CADM1: variants seen among roughly 807,000 people sequenced by gnomAD.
CADM1 encodes the protein TSLC-1.
A neutral mutation model predicts 53.1 loss-of-function variants in CADM1; 15 were observed. The observed-to-expected ratio is 0.28, with a 90% CI of 0.19 to 0.44. The LOEUF (loss-of-function observed/expected upper bound fraction) is 0.44, where lower values mean the gene tolerates loss of function less well. Ranked by LOEUF, CADM1 falls within the 20% of genes least tolerant of loss-of-function variation. CADM1 has a pLI of 1.00. For missense variants in CADM1, 434 were observed against 611.3 expected (o/e 0.71, Z 3.06); for synonymous variants, 281 against 243.0 (o/e 1.16, Z -1.45).
intron 1 of CADM1, among the ~76,000 whole-genome samples, chr11:115,305,276 T>C (rs1944334946): frequency 2.0e-5 from 3 of 152,150 alleles, no homozygotes; most frequent in Non-Finnish European, 2.9e-5. Context: ...TCTGGACTCC[T>C]GCCTACGGGC....
At chr11:115,186,912 GGCTCCTGGACGCCATGGCAGCTCCA>G (rs1390752271) in intron 10 of CADM1, among the ~76,000 whole-genome samples, 5 of 152,196 alleles carry the variant, frequency 3.3e-5, no homozygotes, top group African/African-American at 1.2e-4. Context: ...CAGGGGCCCT[GGCTCCTGGACGCCATGGCAGCTCCA>G]GCTCCTGTTG....
intron 1 of CADM1, among the ~76,000 whole-genome samples, chr11:115,327,518 G>GA (rs1944990340): frequency 8.2e-6 from 1 of 121,254 alleles, no homozygotes; most frequent in South Asian, 4.1e-4. Flanking sequence ...GAATACATAA[G>GA]AGTTTTTTTT....
chr11:115,331,402 G>T (rs1423712433), intron 1 of CADM1, among the ~76,000 whole-genome samples: 2 of 152,082 alleles, frequency 1.3e-5, no homozygotes, highest in South Asian at 4.2e-4. Context: ...CATTCTGAAA[G>T]CCCTGCAGGC....
At chr11:115,246,191 T>G (rs2134947174) in intron 1 of CADM1, among the ~76,000 whole-genome samples, 1 of 152,322 alleles carries the variant, frequency 6.6e-6, no homozygotes, top group South Asian at 2.1e-4. Flanking sequence ...CCTGCATGAA[T>G]ACTTTAGTAT....
intron 1 of CADM1, among the ~76,000 whole-genome samples, chr11:115,355,454 G>C (rs990734377): frequency 6.6e-6 from 1 of 152,070 alleles, no homozygotes; most frequent in Admixed American, 6.6e-5. Context: ...ACAGACACTG[G>C]GGCCTACTTG....
chr11:115,313,784 T>C (rs757545797), intron 1 of CADM1, among the ~76,000 whole-genome samples: 1 of 152,042 alleles, frequency 6.6e-6, no homozygotes, highest in African/African-American at 2.4e-5. Context: ...ACTTTCTCCT[T>C]CCTCCTTCTG....
intron 1 of CADM1, among the ~76,000 whole-genome samples, chr11:115,321,438 A>G (rs1052981255): frequency 1.3e-5 from 2 of 152,168 alleles, no homozygotes; most frequent in South Asian, 2.1e-4. Context: ...CCTGACATCA[A>G]TTCAGTATTT....
At chr11:115,461,393 A>G (rs1466067929) in intron 1 of CADM1, among the ~76,000 whole-genome samples, 1 of 152,332 alleles carries the variant, frequency 6.6e-6, no homozygotes, top group East Asian at 1.9e-4. Flanking sequence ...GAGAAACTGC[A>G]AACTGTGGAG....
intron 10 of CADM1, among the ~76,000 whole-genome samples, chr11:115,179,460 A>T (rs1939206531): frequency 6.6e-6 from 1 of 152,212 alleles, no homozygotes; most frequent in Admixed American, 6.5e-5. Flanking sequence ...ATTTTCCTTT[A>T]TAAGCATCAC....
intron 1 of CADM1, among the ~76,000 whole-genome samples, chr11:115,354,294 A>C (rs559469356): frequency 1.3e-5 from 2 of 152,318 alleles, no homozygotes; most frequent in South Asian, 4.1e-4. Context: ...CATGTTTTCA[A>C]ATTGAGTAAC....
At position 115,294,436 on chromosome 11, in the gene CADM1, G is replaced by A. The variant is rs540934244; in HGVS notation, c.125-54016C>T. On this transcript the variant is annotated intron_variant, in intron 1 of 11. Coordinates refer to ENST00000331581, the MANE Select transcript of CADM1 (RefSeq NM_001301043.2). ...TCTTAAACATTACACTCAATAGCCCGTTCTCATCTACCGCCATCTCTTCTA... is the reference window on the plus strand; with the variant it reads ...TCTTAAACATTACACTCAATAGCCCATTCTCATCTACCGCCATCTCTTCTA... Among the ~76,000 whole-genome samples, 4 of 152,184 alleles carry A rather than the reference G, an allele frequency of 2.6e-5. No individual in the cohort carries two copies. In the South Asian group the frequency reaches 6.2e-4, roughly 24 times the overall value.
At chr11:115,308,175 G>GTGTGTGTGTGTATA (rs1353212174) in intron 1 of CADM1, among the ~76,000 whole-genome samples, 5 of 117,432 alleles carry the variant, frequency 4.3e-5, no homozygotes, top group African/African-American at 1.9e-4. Context: ...GTGTGTGTGT[G>GTGTGTGTGTGTATA]TATATCACTC....
intron 1 of CADM1, among the ~76,000 whole-genome samples, chr11:115,346,033 T>C (rs1945567417): frequency 6.6e-6 from 1 of 152,190 alleles, no homozygotes; most frequent in Non-Finnish European, 1.5e-5. Flanking sequence ...TCATCTCTAC[T>C]GAAACCAGAC....
rs528387600 is a variant in CADM1 at position 115,209,187 on chromosome 11, C to G, written c.1078+387G>C. Among the ~76,000 whole-genome samples the G allele has an allele frequency of 2.6e-5, 4 of 152,316 alleles. No individual in the cohort carries two copies. In the South Asian group the frequency reaches 8.3e-4, roughly 32 times the overall value. ...AGTTAGGTGTGTATATTTTCCCTTACATGGACTGAGATGAAACTAAGACAG... is the reference window on the plus strand; with the variant it reads ...AGTTAGGTGTGTATATTTTCCCTTAGATGGACTGAGATGAAACTAAGACAG... On this transcript the variant is annotated intron_variant, in intron 8 of 11. Transcript: ENST00000331581.
chr11:115,383,343 T>C (rs1248707425), intron 1 of CADM1, among the ~76,000 whole-genome samples: 1 of 152,184 alleles, frequency 6.6e-6, no homozygotes, highest in Non-Finnish European at 1.5e-5. Flanking sequence ...ACAGAATAAG[T>C]GAAAAGGTAA....
chr11:115,311,213 C>A (rs1438738330), intron 1 of CADM1, among the ~76,000 whole-genome samples: 2 of 152,002 alleles, frequency 1.3e-5, no homozygotes, highest in East Asian at 3.9e-4. Context: ...AGTAAAACAA[C>A]AACAAATAGG....
intron 1 of CADM1, among the ~76,000 whole-genome samples, chr11:115,347,906 C>G (rs1362319620): frequency 6.6e-6 from 1 of 152,098 alleles, no homozygotes; most frequent in Non-Finnish European, 1.5e-5. Context: ...CAATTACAAT[C>G]TGTTTGAAGA....
intron 8 of CADM1, among the ~76,000 whole-genome samples, chr11:115,200,146 A>G (rs958852640): frequency 9.2e-5 from 14 of 152,256 alleles, no homozygotes; most frequent in Non-Finnish European, 1.5e-5. Context: ...TTTCTGATGA[A>G]TAGATGAAGG....
intron 8 of CADM1, among the ~76,000 whole-genome samples, chr11:115,207,662 G>A (rs990357293): frequency 1.3e-5 from 2 of 152,100 alleles, no homozygotes; most frequent in South Asian, 4.1e-4. Context: ...GAGAAATGTG[G>A]TTGTTTATAT....
Sources: gnomAD v4.1 joint callset for allele counts (sites outside exome capture counted in the v4.1 genomes callset) on GRCh38, gnomAD v4.1.1 for gene constraint, MANE v1.5 for transcripts, NCBI Gene and HGNC (gene_info 2026-07-23, HGNC 2026-07-21) for gene names.